Variants in SATB1 observed in about 807,000 individuals in gnomAD.
The protein encoded by SATB1 is SATB homeobox 1.
Under a neutral mutation model 86.9 loss-of-function variants are expected in SATB1, and 11 were observed. The ratio of observed to expected loss-of-function variants is 0.13; its 90% CI spans 0.08 to 0.21. SATB1 has a LOEUF of 0.21. SATB1 is among the 10% of genes least tolerant of loss of function. SATB1 has a pLI of 1.00. For synonymous variants in SATB1, 357 were observed against 357.2 expected, an observed-to-expected ratio of 1.00 and a Z score of 0.01; for missense variants, 551 against 937.6, an observed-to-expected ratio of 0.59 and a Z score of 5.39.
intron 2 of SATB1, among the ~76,000 whole-genome samples, chr3:18,418,062 G>A (rs866496339): frequency 6.6e-6 from 1 of 152,124 alleles, no homozygotes; most frequent in African/African-American, 2.4e-5. Context: ...ACGGAAAAGG[G>A]TTAAAAGCAG....
At chr3:18,443,231 T>G (rs1192443703), upstream of SATB1, among the ~76,000 whole-genome samples, 1 of 152,236 alleles carries the variant, frequency 6.6e-6, no homozygotes, top group Non-Finnish European at 1.5e-5. This position sits in a 1 kb window ranked among gnomAD's most constrained non-coding sequence, Gnocchi z 4.4. Context: ...GGTAACATTT[T>G]ACTCATTCTT....
In SATB1 at chr3:18,347,083, A is replaced by C. The variant is rs577626527; in HGVS notation, c.*2087T>G. 2 of 148,772 alleles carry C rather than the reference A, an allele frequency of 1.3e-5. No individual in the cohort carries two copies. Among genetic ancestry groups the C allele is most frequent in the Non-Finnish European group, 3.0e-5 (2 of 66,988 alleles). 9.2% of individuals were successfully genotyped at this position (148,772 alleles called of 1,614,324 possible). A position where few individuals can be genotyped will look rare whatever the true frequency, so the allele number is the denominator to read the frequency against. ...AATGGAACTTTAAAGCTTTATTGAA[A>C]GTTTTCAATGATTCCACTTCAGTTT... On this transcript the variant is annotated 3_prime_UTR_variant, in exon 11 of 11. Transcript: ENST00000338745.
chr3:18,361,046 C>T (rs981538743), intron 9 of SATB1, among the ~76,000 whole-genome samples: 1 of 152,006 alleles, frequency 6.6e-6, no homozygotes, highest in Non-Finnish European at 1.5e-5. Flanking sequence ...GATGAATTAG[C>T]AGGGGGCTGG....
chr3:18,407,854 G>A (rs181065789), intron 5 of SATB1, among the ~76,000 whole-genome samples: 65 of 152,096 alleles, frequency 4.3e-4, no homozygotes, highest in African/African-American at 1.6e-3. Context: ...TCATAAGACA[G>A]GAGTTTCAAT....
chr3:18,444,527 A>C lies in SATB1; in HGVS notation c.-25+991T>G, dbSNP rs1470073822. ...GAGTGGGTGCTACGGAGAAGTTTGG[A>C]TTGATTCCGGAAAAAGAGGGACAGA... On this transcript the variant is annotated intron_variant, in intron 1 of 3. Coordinates refer to the SATB1 transcript ENST00000415069. This position sits in a 1 kb window ranked among gnomAD's most constrained non-coding sequence, Gnocchi z 5.1. 2 of 957,698 alleles carry C rather than the reference A, an allele frequency of 2.1e-6. No homozygotes were observed. Among genetic ancestry groups the C allele is most frequent in the East Asian group, 1.2e-4 (1 of 8,610 alleles). The allele number at this position is 957,698 out of a possible 1,614,324, so 59.3% of individuals were successfully genotyped here. A position where few individuals can be genotyped will look rare whatever the true frequency, so the allele number is the denominator to read the frequency against.
At chr3:18,357,695 T>C (rs75605326) in intron 9 of SATB1, among the ~76,000 whole-genome samples, 4,001 of 151,892 alleles carry the variant, frequency 0.026, 179 homozygotes, top group African/African-American at 0.089. Context: ...ATCACAAAGA[T>C]GCCAAGTGAT....
intron 5 of SATB1, among the ~76,000 whole-genome samples, chr3:18,405,426 CA>C (rs1229038107): frequency 1.2e-4 from 18 of 151,858 alleles, no homozygotes; most frequent in African/African-American, 3.6e-4. Flanking sequence ...AAAACAAAAC[CA>C]AAAAACCCTT....
chr3:18,387,376 G>A (rs1696397799), intron 7 of SATB1, among the ~76,000 whole-genome samples: 1 of 152,266 alleles, frequency 6.6e-6, no homozygotes, highest in Admixed American at 6.5e-5. Context: ...AAGGAAAAGA[G>A]TATCAAATTC....
chr3:18,386,474 C>T lies in SATB1; in HGVS notation c.1344G>A (p.Arg448=), dbSNP rs758496307. 7 of 1,614,122 alleles carry T rather than the reference C, an allele frequency of 4.3e-6. No homozygotes were observed. Among genetic ancestry groups the T allele is most frequent in the Non-Finnish European group, 1.7e-6 (2 of 1,180,030 alleles). ...AERDRIYQDE[R]ERSLNAASAM... is the part of the protein sequence containing the mutation. ...CCGAGGCAGCATTCAAGCTCCTTTC[C>T]CTTTCGTCCTGGTATATTCGGTCTC... Residue 448 remains arginine, a synonymous_variant, in exon 8 of 11, where the codon AGG becomes AGA. Coordinates refer to ENST00000338745, the MANE Select transcript of SATB1 (RefSeq NM_002971.6). This position sits in a 1 kb window ranked among gnomAD's most constrained non-coding sequence, Gnocchi z 4.5.
At chr3:18,351,249 A>T in intron 10 of SATB1, 1 of 1,337,386 alleles carries the variant, frequency 7.5e-7, no homozygotes, top group East Asian at 2.5e-5. Context: ...TGACCTGGGG[A>T]GCAGGTCTTT....
intron 8 of SATB1, among the ~76,000 whole-genome samples, chr3:18,384,145 C>T (rs1428044282): frequency 6.6e-6 from 1 of 152,098 alleles, no homozygotes; most frequent in African/African-American, 2.4e-5. Flanking sequence ...TCAGAACAAA[C>T]AAATACAGCT....
chr3:18,356,234 C>T (rs918561202), intron 9 of SATB1, among the ~76,000 whole-genome samples: 24 of 151,898 alleles, frequency 1.6e-4, no homozygotes, highest in African/African-American at 5.3e-4. Context: ...AACTAAAAGT[C>T]TTAAATCCAT....
chr3:18,378,595 C>T (rs1240530915), intron 8 of SATB1, among the ~76,000 whole-genome samples: 1 of 152,120 alleles, frequency 6.6e-6, no homozygotes, highest in South Asian at 2.1e-4. Flanking sequence ...TTCTGGAAAA[C>T]GAAATAGTTT....
At chr3:18,362,486 A>G (rs189795533) in intron 9 of SATB1, among the ~76,000 whole-genome samples, 3 of 152,162 alleles carry the variant, frequency 2.0e-5, no homozygotes. Flanking sequence ...CACCTCTGCA[A>G]TTTCTGAGGG....
chr3:18,351,226 G>C lies in SATB1; in HGVS notation c.1779+766C>G, dbSNP rs779116204. The C allele has an allele frequency of 2.1e-5, 23 of 1,090,150 alleles. No homozygotes were observed. In the South Asian group the frequency reaches 2.3e-4, roughly 11 times the overall value. The allele number at this position is 1,090,150 out of a possible 1,614,324, so 67.5% of individuals were successfully genotyped here. ...GACCATGGTTAGTAGGGCCTTTACA[G>C]GTTTGAAAATCCTGACCTGGGGAGC... On this transcript the variant is annotated intron_variant, in intron 10 of 10. Transcript: ENST00000338745.
At chr3:18,365,932 G>GT (rs1204844155) in intron 9 of SATB1, among the ~76,000 whole-genome samples, 1 of 152,198 alleles carries the variant, frequency 6.6e-6, no homozygotes, top group East Asian at 1.9e-4. Context: ...AATTTAGACA[G>GT]TAACAGCTTG....
At chr3:18,381,041 G>T (rs1696030122) in intron 8 of SATB1, among the ~76,000 whole-genome samples, 1 of 152,162 alleles carries the variant, frequency 6.6e-6, no homozygotes, top group African/African-American at 2.4e-5. Context: ...TCAAGGTAGG[G>T]TGTACTACTC....
chr3:18,415,881 C>T (rs1698085034), intron 4 of SATB1, 126 bp downstream of exon 4: 10 of 744,396 alleles, frequency 1.3e-5, no homozygotes, highest in Middle Eastern at 3.8e-4. Context: ...GTAACAAAAT[C>T]GATCTGTATT....
rs574087726 is a variant in SATB1 at position 18,443,850 on chromosome 3, G to C, written c.-25+1668C>G. Among the ~76,000 whole-genome samples the C allele has an allele frequency of 5.3e-5, 8 of 152,180 alleles. No individual in the cohort carries two copies. The highest frequency in any genetic ancestry group is 1.9e-4 in the African/African-American group (8 of 41,444). ...TGCTAAGAGGACGGCCCTTTCTTCTGCCTCTTGCCCAACTCCAAACCCACA... is the reference window on the plus strand; with the variant it reads ...TGCTAAGAGGACGGCCCTTTCTTCTCCCTCTTGCCCAACTCCAAACCCACA... On this transcript the variant is annotated intron_variant, in intron 1 of 3. Transcript: ENST00000415069. The surrounding 1 kb of genome is among the most constrained non-coding windows in gnomAD (Gnocchi z 4.4).
Sources: allele counts gnomAD v4.1 joint callset (sites outside exome capture counted in the v4.1 genomes callset), GRCh38; gene constraint gnomAD v4.1.1; non-coding constraint Gnocchi (gnomAD v3.1); transcripts MANE v1.5; gene names NCBI Gene and HGNC (gene_info 2026-07-23, HGNC 2026-07-21).